Variants in ADSL observed in about 807,000 individuals in gnomAD.
The protein encoded by ADSL is adenylosuccinate lyase.
ADSL carries 44 observed loss-of-function variants against 62.1 expected under a neutral mutation model. The observed-to-expected ratio is 0.71, with a 90% CI of 0.56 to 0.91. The LOEUF (loss-of-function observed/expected upper bound fraction) is 0.91. ADSL is among the 40% of genes least tolerant of loss of function. The probability of loss-of-function intolerance (pLI) is 0.00; values close to 1 mark genes in which losing one functional copy is unlikely to be tolerated. For missense variants in ADSL, 531 were observed against 627.4 expected (o/e 0.85, Z 1.64); for synonymous variants, 198 against 220.5 (o/e 0.90, Z 0.90).
At chr22:40,373,924 G>A (rs1472452799), downstream of ADSL, among the ~76,000 whole-genome samples, 1 of 150,848 alleles carries the variant, frequency 6.6e-6, no homozygotes, top group African/African-American at 2.4e-5. Flanking sequence ...TGATAGGGTG[G>A]TTTATTTATT....
At chr22:40,362,066 G>A in intron 9 of ADSL, among the ~76,000 whole-genome samples, 1 of 152,300 alleles carries the variant, frequency 6.6e-6, no homozygotes, top group East Asian at 1.9e-4. Context: ...GTTTATGAAA[G>A]GTCTTCTGGG....
At chr22:40,353,148 C>CAA (rs1268154416) in intron 3 of ADSL, 31 bp downstream of exon 3, 1 of 1,575,010 alleles carries the variant, frequency 6.3e-7, no homozygotes, top group Non-Finnish European at 8.7e-7. Context: ...TCCTACCAAC[C>CAA]CTAGATTCCC....
chr22:40,355,213 T>G (rs56362590), intron 4 of ADSL, among the ~76,000 whole-genome samples: 3,664 of 152,218 alleles, frequency 0.024, 150 homozygotes, highest in African/African-American at 0.084. Context: ...TTTGGCTCAC[T>G]CTCACTACAA....
At chr22:40,379,789 A>G (rs2047258303) in intron 2 of ADSL, among the ~76,000 whole-genome samples, 1 of 151,888 alleles carries the variant, frequency 6.6e-6, no homozygotes. Context: ...ACTCACTGCA[A>G]CCTCCACCTC....
At chr22:40,346,853 C>A in intron 1 of ADSL, 142 bp downstream of exon 1, 1 of 888,274 alleles carries the variant, frequency 1.1e-6, no homozygotes, top group East Asian at 2.7e-5. Context: ...TCCTGAGGAG[C>A]TGCGGCCCCA....
chr22:40,386,709 A>G (rs1488735831), intron 2 of ADSL, among the ~76,000 whole-genome samples: 2 of 151,800 alleles, frequency 1.3e-5, no homozygotes, highest in East Asian at 3.9e-4. Context: ...TATGTGAGCC[A>G]GTGTGCCTGG....
At chr22:40,360,588 G>A (rs2044745458) in intron 7 of ADSL, 96 bp downstream of exon 7, 20 of 865,178 alleles carry the variant, frequency 2.3e-5, no homozygotes, top group Non-Finnish European at 3.2e-5. Flanking sequence ...TCTCTCTCAA[G>A]CAATATTTTA....
chr22:40,352,352 C>A (rs2044379014), intron 2 of ADSL, among the ~76,000 whole-genome samples: 1 of 151,948 alleles, frequency 6.6e-6, no homozygotes, highest in Non-Finnish European at 1.5e-5. Flanking sequence ...ACAGGTGAAA[C>A]CCTGTCTCTA....
At chr22:40,378,726 A>G (rs912792092) in intron 2 of ADSL, among the ~76,000 whole-genome samples, 4 of 151,840 alleles carry the variant, frequency 2.6e-5, no homozygotes, top group African/African-American at 9.7e-5. Flanking sequence ...CTCTGTCTCA[A>G]AAAAAAACAG....
intron 1 of ADSL, among the ~76,000 whole-genome samples, chr22:40,347,877 T>C (rs6001886): frequency 7.2e-5 from 11 of 152,318 alleles, no homozygotes; most frequent in African/African-American, 2.6e-4. Flanking sequence ...ACCTTAATCA[T>C]GTGTTGTGGT....
chr22:40,373,102 A>G (rs909924482), downstream of ADSL, among the ~76,000 whole-genome samples: 3 of 152,192 alleles, frequency 2.0e-5, no homozygotes, highest in Non-Finnish European at 2.9e-5. Context: ...TACCTGTAGT[A>G]ATAATCATTG....
At chr22:40,387,120 G>A (rs2048592987) in intron 2 of ADSL, 1 of 395,358 alleles carries the variant, frequency 2.5e-6, no homozygotes, top group Non-Finnish European at 4.4e-6. Flanking sequence ...CTGCTGAGGG[G>A]TCAGTCCTTT....
At chr22:40,371,469 A>G (rs1363712388), downstream of ADSL, among the ~76,000 whole-genome samples, 1 of 152,156 alleles carries the variant, frequency 6.6e-6, no homozygotes, top group African/African-American at 2.4e-5. Flanking sequence ...CTTTCTTAGT[A>G]AATTCAAGTC....
chr22:40,357,328 A>G (rs1008556118), intron 4 of ADSL, among the ~76,000 whole-genome samples: 1 of 136,492 alleles, frequency 7.3e-6, no homozygotes, highest in Non-Finnish European at 1.5e-5. Context: ...ATCTTGGCTC[A>G]CCGCAGCCTC....
chr22:40,380,427 C>T (rs2047379915), intron 2 of ADSL, among the ~76,000 whole-genome samples: 1 of 148,502 alleles, frequency 6.7e-6, no homozygotes, highest in Non-Finnish European at 1.5e-5. Flanking sequence ...AGTGCAGTGG[C>T]ACTATCTCAG....
At position 40,366,632 on chromosome 22, in the gene ADSL, A is replaced by C. The variant is rs2045017644; in HGVS notation, c.*110A>C. The C allele has an allele frequency of 3.8e-6, 3 of 793,752 alleles. No individual in the cohort carries two copies. The highest frequency in any genetic ancestry group is 6.5e-6 in the Non-Finnish European group (3 of 462,812). 49.2% of individuals were successfully genotyped at this position (793,752 alleles called of 1,614,324 possible). ...AATTGTTACCTTAAATTAGTACAGC[A>C]CTTTCTTCTTCCCATGGTGCTTTCC... On this transcript the variant is annotated 3_prime_UTR_variant, in exon 13 of 13. Transcript: ENST00000623063.
chr22:40,360,947 C>T (rs151032448), intron 7 of ADSL: 3 of 393,592 alleles, frequency 7.6e-6, no homozygotes, highest in African/African-American at 6.2e-5. Flanking sequence ...GTGATCCACC[C>T]ACCTCAGCCT....
chr22:40,360,343 G>GC (rs2044735579), intron 6 of ADSL, 59 bp from the exon 7 acceptor site: 1 of 1,416,664 alleles, frequency 7.1e-7, no homozygotes, highest in Non-Finnish European at 1.0e-6. Context: ...CTACAGTCAT[G>GC]CACCACTGCA....
chr22:40,368,240 T>A lies in ADSL; in HGVS notation c.*1718T>A, dbSNP rs1042900600. On this transcript the variant is annotated 3_prime_UTR_variant, in exon 13 of 13. Coordinates refer to ENST00000623063, the MANE Select transcript of ADSL (RefSeq NM_000026.4). ...GGCCAGACATTGGAACCACTGAGAT[T>A]AGCAACCTACACTCAATCCCCCAGG... 6.6e-6 allele frequency: 1 copy of A among 152,124 alleles called. No homozygotes were observed. The highest frequency in any genetic ancestry group is 2.4e-5 in the African/African-American group (1 of 41,418). The allele number at this position is 152,124 out of a possible 1,614,324, so 9.4% of individuals were successfully genotyped here. A position where few individuals can be genotyped will look rare whatever the true frequency, so the allele number is the denominator to read the frequency against.
Sources: allele counts gnomAD v4.1 joint callset (sites outside exome capture counted in the v4.1 genomes callset), GRCh38; gene constraint gnomAD v4.1.1; transcripts MANE v1.5; gene names NCBI Gene and HGNC (gene_info 2026-07-23, HGNC 2026-07-21).